Variants in TRAPPC8 observed in about 807,000 individuals in gnomAD.
TRAPPC8 encodes the protein trafficking protein particle complex subunit 8.
In TRAPPC8, 54 loss-of-function variants were observed where a neutral mutation model predicts 174.3. The ratio of observed to expected loss-of-function variants is 0.31; its 90% CI spans 0.25 to 0.39. The LOEUF (loss-of-function observed/expected upper bound fraction) is 0.39. TRAPPC8 is among the 10% of genes least tolerant of loss of function. The pLI, the probability that TRAPPC8 is intolerant of heterozygous loss-of-function variation, is 1.00. For synonymous variants in TRAPPC8, 630 were observed against 579.9 expected, an observed-to-expected ratio of 1.09 and a Z score of -1.24; for missense variants, 1,531 against 1,699.1, an observed-to-expected ratio of 0.90 and a Z score of 1.74.
chr18:31,897,044 TAA>T (rs912413237), intron 11 of TRAPPC8, among the ~76,000 whole-genome samples: 60 of 152,270 alleles, frequency 3.9e-4, no homozygotes, highest in African/African-American at 1.4e-3. Context: ...CCCCAAAACG[TAA>T]AGAGTTAAAA....
intron 26 of TRAPPC8, among the ~76,000 whole-genome samples, chr18:31,843,991 G>T (rs2033249062): frequency 6.6e-6 from 1 of 152,136 alleles, no homozygotes; most frequent in Admixed American, 6.5e-5. Context: ...TAACCTGCAA[G>T]AAACACAAAT....
chr18:31,875,843 CAT>C (rs1201443275), intron 12 of TRAPPC8, among the ~76,000 whole-genome samples: 1 of 152,114 alleles, frequency 6.6e-6, no homozygotes, highest in Non-Finnish European at 1.5e-5. Flanking sequence ...TGTTCTCACT[CAT>C]ATGTGGGAGC....
At chr18:31,915,788 G>A (rs1212339709) in intron 4 of TRAPPC8, among the ~76,000 whole-genome samples, 2 of 151,754 alleles carry the variant, frequency 1.3e-5, no homozygotes, top group African/African-American at 4.8e-5. Flanking sequence ...TCAGGAGGCT[G>A]AGGCAGGAGA....
At chr18:31,855,929 C>T (rs1211567162) in intron 20 of TRAPPC8, 122 bp from the exon 21 acceptor site, 1 of 1,048,830 alleles carries the variant, frequency 9.5e-7, no homozygotes, top group Non-Finnish European at 1.3e-6. Flanking sequence ...CTCTAAAAAT[C>T]CATAGAATAC....
At chr18:31,866,563 T>C (rs1941064984) in intron 18 of TRAPPC8, among the ~76,000 whole-genome samples, 1 of 151,874 alleles carries the variant, frequency 6.6e-6, no homozygotes, top group African/African-American at 2.4e-5. Context: ...ATGGTTAGAA[T>C]TTATTTGGTT....
At chr18:31,924,461 CG>C (rs1480853827) in intron 2 of TRAPPC8, among the ~76,000 whole-genome samples, 2 of 123,220 alleles carry the variant, frequency 1.6e-5, no homozygotes, top group Non-Finnish European at 3.3e-5. Flanking sequence ...CCCTCCCCAC[CG>C]AAAAAAAAAA....
intron 27 of TRAPPC8, among the ~76,000 whole-genome samples, chr18:31,833,015 G>A (rs189744574): frequency 3.4e-4 from 51 of 152,008 alleles, no homozygotes; most frequent in African/African-American, 1.0e-3. Flanking sequence ...AAACAATACC[G>A]CAAACGTCAC....
chr18:31,852,837 A>G, intron 22 of TRAPPC8, 174 bp from the exon 23 acceptor site: 2 of 604,810 alleles, frequency 3.3e-6, no homozygotes, highest in Non-Finnish European at 5.7e-6. Flanking sequence ...AAAAAGGATA[A>G]ATTTCAATTT....
rs760884028 is a variant in TRAPPC8, at chr18:31,942,777, G to C, written c.-13C>G. ...CACACTGGGCCATCGCCGCAGCACA[G>C]GCAGCGGCGGCGCCCGCCCTCCGGC... is the stretch of plus-strand genomic sequence containing the variant. On this transcript the variant is annotated 5_prime_UTR_variant, in exon 1 of 29. Coordinates refer to ENST00000283351, the MANE Select transcript of TRAPPC8 (RefSeq NM_014939.5). The C allele has an allele frequency of 7.1e-7, 1 of 1,412,732 alleles. No homozygotes were observed. The highest frequency in any genetic ancestry group is 9.3e-7 in the Non-Finnish European group (1 of 1,074,086). 87.5% of individuals were successfully genotyped at this position (1,412,732 alleles called of 1,614,324 possible).
intron 1 of TRAPPC8, among the ~76,000 whole-genome samples, chr18:31,942,094 A>G (rs2038369549): frequency 6.6e-6 from 1 of 152,220 alleles, no homozygotes; most frequent in South Asian, 2.1e-4. Context: ...AGCTAAGAAT[A>G]TATTAGTAAA....
intron 2 of TRAPPC8, among the ~76,000 whole-genome samples, chr18:31,921,058 A>G (rs1026947413): frequency 6.6e-6 from 1 of 151,852 alleles, no homozygotes; most frequent in Non-Finnish European, 1.5e-5. Flanking sequence ...AAAAAGATAC[A>G]TTAGCAGCTG....
chr18:31,934,943 C>A (rs1422350965), intron 1 of TRAPPC8, among the ~76,000 whole-genome samples: 2 of 92,202 alleles, frequency 2.2e-5, no homozygotes, highest in African/African-American at 3.8e-5. Context: ...GAGAGAGGCT[C>A]CGTCTCATAA....
intron 12 of TRAPPC8, among the ~76,000 whole-genome samples, chr18:31,887,681 C>A (rs1400005324): frequency 2.6e-5 from 4 of 151,042 alleles, no homozygotes; most frequent in South Asian, 2.1e-4. Context: ...GAGCCATTTA[C>A]GACAAACCCA....
chr18:31,891,126 T>C (rs890885145), intron 11 of TRAPPC8: 3 of 196,752 alleles, frequency 1.5e-5, no homozygotes, highest in Non-Finnish European at 3.1e-5. Context: ...ATATGTGCCA[T>C]GTACCAAATC....
chr18:31,864,623 A>T lies in TRAPPC8; in HGVS notation c.2745+4T>A. The T allele has an allele frequency of 6.2e-7, 1 of 1,606,400 alleles. No individual in the cohort carries two copies. The highest frequency in any genetic ancestry group is 8.5e-7 in the Non-Finnish European group (1 of 1,178,034). ...AGTCCATGAAATTTTAAAAAGTGAA[A>T]TACCTCCAACAGTGGCATTTCTTCT... On this transcript the variant is annotated splice_donor_region_variant and intron_variant, in intron 19 of 28. Coordinates refer to ENST00000283351, the MANE Select transcript of TRAPPC8 (RefSeq NM_014939.5).
intron 2 of TRAPPC8, among the ~76,000 whole-genome samples, chr18:31,921,759 A>C (rs181528972): frequency 6.6e-6 from 1 of 152,210 alleles, no homozygotes; most frequent in African/African-American, 2.4e-5. Context: ...ATGTGATTAC[A>C]TATTTCATTT....
At chr18:31,925,936 C>T (rs1035275348) in intron 2 of TRAPPC8, among the ~76,000 whole-genome samples, 7 of 152,072 alleles carry the variant, frequency 4.6e-5, no homozygotes, top group African/African-American at 9.7e-5. Context: ...TTTCCATGCA[C>T]CCTTTCTCAG....
intron 12 of TRAPPC8, among the ~76,000 whole-genome samples, chr18:31,880,492 A>G: frequency 6.6e-6 from 1 of 152,092 alleles, no homozygotes; most frequent in Non-Finnish European, 1.5e-5. Flanking sequence ...TGTAAGAAAC[A>G]TACCTAAAAA....
Position 31,830,690 on chromosome 18 carries a change from T to C in TRAPPC8, c.*65A>G. The C allele has an allele frequency of 7.3e-7, 1 of 1,368,060 alleles. No homozygotes were observed. 84.7% of individuals were successfully genotyped at this position (1,368,060 alleles called of 1,614,324 possible). A position where few individuals can be genotyped will look rare whatever the true frequency, so the allele number is the denominator to read the frequency against. On this transcript the variant is annotated 3_prime_UTR_variant, in exon 29 of 29. Transcript: ENST00000283351. ...TCCATAACAAGTTAGGTATATCAAA[T>C]ACTGCTGTAAAACCCATCCAGCAAA...
Sources: gnomAD v4.1 joint callset for allele counts (sites outside exome capture counted in the v4.1 genomes callset) on GRCh38, gnomAD v4.1.1 for gene constraint, MANE v1.5 for transcripts, NCBI Gene and HGNC (gene_info 2026-07-23, HGNC 2026-07-21) for gene names.